The following DAB1 variants were observed in gnomAD, a reference collection of about 807,000 sequenced individuals.
DAB1 encodes the protein DAB adaptor protein 1, also known as disabled homolog 1.
Under a neutral mutation model 64.6 loss-of-function variants are expected in DAB1, and 15 were observed. The ratio of observed to expected loss-of-function variants is 0.23; its 90% CI spans 0.16 to 0.36. The LOEUF is 0.36. Among genes scored for constraint, DAB1 ranks in the 10% least tolerant of loss-of-function variants. DAB1 has a pLI of 1.00. For missense variants in DAB1, 596 were observed against 706.7 expected, an observed-to-expected ratio of 0.84 and a Z score of 1.78; for synonymous variants, 235 against 251.9, an observed-to-expected ratio of 0.93 and a Z score of 0.64.
At chr1:57,901,531 C>T (rs891970488) in intron 5 of DAB1, among the ~76,000 whole-genome samples, 6 of 152,130 alleles carry the variant, frequency 3.9e-5, no homozygotes, top group African/African-American at 1.4e-4. Context: ...GCCCCTCTCA[C>T]TGCTACAAAT....
intron 2 of DAB1, among the ~76,000 whole-genome samples, chr1:57,185,442 C>T (rs1663441811): frequency 6.6e-6 from 1 of 152,102 alleles, no homozygotes; most frequent in Non-Finnish European, 1.5e-5. Flanking sequence ...ATTTAGGGGA[C>T]AGAGTCTGAG....
intron 2 of DAB1, among the ~76,000 whole-genome samples, chr1:57,269,878 T>C (rs1455622526): frequency 6.6e-6 from 1 of 152,156 alleles, no homozygotes; most frequent in Non-Finnish European, 1.5e-5. Context: ...TCATTTCCTG[T>C]GACTGAGACA....
chr1:58,348,138 T>C (rs1215560501), intron 3 of DAB1, among the ~76,000 whole-genome samples: 2 of 152,170 alleles, frequency 1.3e-5, no homozygotes, highest in Non-Finnish European at 2.9e-5. Context: ...TGACCAATTA[T>C]TGAACCAACC....
chr1:58,299,473 T>C (rs547750109), intron 4 of DAB1, among the ~76,000 whole-genome samples: 2 of 152,376 alleles, frequency 1.3e-5, no homozygotes, highest in Non-Finnish European at 1.5e-5. Context: ...TATTTTTGTA[T>C]GTTTATGGCA....
chr1:58,330,491 A>G (rs1662945048), intron 4 of DAB1, among the ~76,000 whole-genome samples: 1 of 152,252 alleles, frequency 6.6e-6, no homozygotes. Flanking sequence ...TTCAATTTAG[A>G]TGAAATAGCT....
chr1:57,439,522 G>A (rs898610379), intron 7 of DAB1, among the ~76,000 whole-genome samples: 4 of 142,284 alleles, frequency 2.8e-5, no homozygotes, highest in Admixed American at 1.5e-4. Context: ...TCCACCTCCC[G>A]AGTTCATGCC....
chr1:58,005,519 T>C (rs1419005290), intron 5 of DAB1, among the ~76,000 whole-genome samples: 2 of 149,650 alleles, frequency 1.3e-5, no homozygotes, highest in Non-Finnish European at 2.9e-5. Context: ...GAGGAATCAG[T>C]AAACATGCTA....
At chr1:57,155,874 T>C (rs983806735) in intron 2 of DAB1, among the ~76,000 whole-genome samples, 1 of 152,184 alleles carries the variant, frequency 6.6e-6, no homozygotes, top group Non-Finnish European at 1.5e-5. Context: ...GTTGATTTTG[T>C]ATCCTGCAAC....
intron 3 of DAB1, among the ~76,000 whole-genome samples, chr1:58,453,625 T>C (rs1645162348): frequency 6.6e-6 from 1 of 152,188 alleles, no homozygotes; most frequent in Non-Finnish European, 1.5e-5. Flanking sequence ...GGAGTCAACC[T>C]CCTTGATGCG....
At chr1:57,950,305 C>T (rs930364972) in intron 5 of DAB1, among the ~76,000 whole-genome samples, 1 of 152,162 alleles carries the variant, frequency 6.6e-6, no homozygotes, top group African/African-American at 2.4e-5. Flanking sequence ...GAACATAAAA[C>T]AGTACCTGGC....
At chr1:58,333,189 T>A (rs1663015598) in intron 4 of DAB1, among the ~76,000 whole-genome samples, 2 of 152,176 alleles carry the variant, frequency 1.3e-5, no homozygotes, top group Admixed American at 6.5e-5. Context: ...AGTCTCCTAG[T>A]CCCAGTTCTA....
At chr1:58,337,027 A>G (rs1177383678) in intron 4 of DAB1, among the ~76,000 whole-genome samples, 1 of 152,164 alleles carries the variant, frequency 6.6e-6, no homozygotes, top group African/African-American at 2.4e-5. Flanking sequence ...TCACACCTGT[A>G]ATCCCAGCAC....
At chr1:58,443,592 A>T (rs1299399309) in intron 3 of DAB1, among the ~76,000 whole-genome samples, 2 of 152,230 alleles carry the variant, frequency 1.3e-5, no homozygotes, top group Non-Finnish European at 2.9e-5. Flanking sequence ...TGACAAGTGC[A>T]CCATTGTAAT....
chr1:57,608,315 T>C (rs1243913708), intron 7 of DAB1, among the ~76,000 whole-genome samples: 1 of 152,072 alleles, frequency 6.6e-6, no homozygotes, highest in East Asian at 1.9e-4. Context: ...GCTCTGACAA[T>C]CTATGATTTT....
intron 5 of DAB1, among the ~76,000 whole-genome samples, chr1:57,923,342 G>T (rs934841351): frequency 6.6e-6 from 1 of 152,102 alleles, no homozygotes; most frequent in Admixed American, 6.5e-5. Flanking sequence ...GTGATCAAAC[G>T]CCCAGGAGCC....
At chr1:58,370,708 G>A (rs1241172280) in intron 3 of DAB1, among the ~76,000 whole-genome samples, 1 of 152,264 alleles carries the variant, frequency 6.6e-6, no homozygotes, top group East Asian at 1.9e-4. Context: ...TGAGATGATT[G>A]AATCATGGGG....
intron 3 of DAB1, among the ~76,000 whole-genome samples, chr1:58,432,006 T>G (rs1644881580): frequency 6.6e-6 from 1 of 152,206 alleles, no homozygotes; most frequent in Admixed American, 6.5e-5. Flanking sequence ...TCAGAAGCTC[T>G]GGAGCGATGG....
At chr1:57,260,615 A>C (rs952263591) in intron 2 of DAB1, among the ~76,000 whole-genome samples, 23 of 152,224 alleles carry the variant, frequency 1.5e-4, no homozygotes, top group African/African-American at 5.1e-4. Context: ...TGCATGGCAC[A>C]GAAAAGAGCC....
intron 1 of DAB1, among the ~76,000 whole-genome samples, chr1:57,838,145 G>A (rs1436934236): frequency 1.3e-5 from 2 of 152,078 alleles, no homozygotes; most frequent in African/African-American, 4.8e-5. Flanking sequence ...ATCACTTGGA[G>A]CTCTCTGAAT....
Sources: gnomAD v4.1 joint callset for allele counts (sites outside exome capture counted in the v4.1 genomes callset) on GRCh38, gnomAD v4.1.1 for gene constraint, MANE v1.5 for transcripts, NCBI Gene and HGNC (gene_info 2026-07-23, HGNC 2026-07-21) for gene names.